The following MYO9A variants were observed in gnomAD, a reference collection of about 807,000 sequenced individuals.
The protein encoded by MYO9A is myosin IXA.
MYO9A carries 103 observed loss-of-function variants against 293.3 expected under a neutral mutation model. That is an observed-to-expected ratio of 0.35 (90% CI 0.30 to 0.41). The LOEUF (loss-of-function observed/expected upper bound fraction) is 0.41. Ranked by LOEUF, MYO9A falls within the 10% of genes least tolerant of loss-of-function variation. MYO9A has a pLI of 1.00. For synonymous variants in MYO9A, 1,001 were observed against 1,035.7 expected (o/e 0.97, Z 0.64); for missense variants, 2,685 against 3,033.0 (o/e 0.89, Z 2.69).
chr15:71,997,602 A>T (rs2076735104), intron 9 of MYO9A, among the ~76,000 whole-genome samples: 2 of 152,178 alleles, frequency 1.3e-5, no homozygotes, highest in South Asian at 4.1e-4. Flanking sequence ...CGTCTCAAAA[A>T]AAATAAATGA....
intron 32 of MYO9A, among the ~76,000 whole-genome samples, chr15:71,866,130 G>C (rs1481385455): frequency 2.6e-5 from 4 of 152,096 alleles, no homozygotes; most frequent in Admixed American, 2.0e-4. Flanking sequence ...GTTTGCTTTT[G>C]TGTCAACTCA....
intron 39 of MYO9A, among the ~76,000 whole-genome samples, chr15:71,838,690 C>T (rs2055033104): frequency 6.6e-6 from 1 of 152,130 alleles, no homozygotes; most frequent in Admixed American, 6.5e-5. Flanking sequence ...CTTTATAGCA[C>T]ATTAACAGGA....
At chr15:72,008,283 T>C (rs2077070895) in intron 7 of MYO9A, among the ~76,000 whole-genome samples, 1 of 152,210 alleles carries the variant, frequency 6.6e-6, no homozygotes, top group Admixed American at 6.5e-5. Flanking sequence ...GAATGCTTTT[T>C]TCCTACACTG....
At chr15:72,026,147 C>T (rs1191637501) in intron 4 of MYO9A, among the ~76,000 whole-genome samples, 9 of 151,708 alleles carry the variant, frequency 5.9e-5, no homozygotes. Flanking sequence ...ATGGCAGGCG[C>T]CTGTAGTCCC....
At chr15:71,848,649 A>G (rs2055495772) in intron 39 of MYO9A, among the ~76,000 whole-genome samples, 196 bp downstream of exon 39, 2 of 152,240 alleles carry the variant, frequency 1.3e-5, no homozygotes, top group East Asian at 3.8e-4. Flanking sequence ...ACACTTAATC[A>G]CATAGATTCT....
At chr15:71,874,297 A>G (rs898529330) in intron 32 of MYO9A, among the ~76,000 whole-genome samples, 4 of 152,144 alleles carry the variant, frequency 2.6e-5, no homozygotes, top group Non-Finnish European at 4.4e-5. Context: ...AGAATTTGCA[A>G]TTTTTGGCAG....
chr15:71,882,930 A>T (rs974459759), intron 28 of MYO9A, among the ~76,000 whole-genome samples: 2 of 152,054 alleles, frequency 1.3e-5, no homozygotes, highest in African/African-American at 4.8e-5. Context: ...TCAGCCTCCC[A>T]AGTAGCTGGG....
intron 33 of MYO9A, among the ~76,000 whole-genome samples, chr15:71,861,114 C>G (rs1010456522): frequency 6.6e-6 from 1 of 151,578 alleles, no homozygotes; most frequent in African/African-American, 2.4e-5. Context: ...ACATTACAAA[C>G]TACTTCCTAT....
intron 13 of MYO9A, among the ~76,000 whole-genome samples, chr15:71,965,847 A>G (rs1451959792): frequency 6.6e-5 from 10 of 152,016 alleles, no homozygotes; most frequent in African/African-American, 2.2e-4. Flanking sequence ...ATCTCTAGTA[A>G]TATTTCTGGT....
rs1434343323 is a variant in MYO9A at position 72,117,689 on chromosome 15, C to A, written c.-81G>T. On this transcript the variant is annotated 5_prime_UTR_variant, in exon 1 of 42. Transcript: ENST00000356056. ...CTTGGGCGGGTCTTACCTCGGGCTC[C>A]GCCGCGGTGGCCACCGCAGCCCCCT... 2.5e-6 allele frequency: 1 copy of A among 396,708 alleles called. No homozygotes were observed. The highest frequency in any genetic ancestry group is 4.4e-6 in the Non-Finnish European group (1 of 225,100). 24.6% of individuals were successfully genotyped at this position (396,708 alleles called of 1,614,324 possible).
rs545468306 is a variant in MYO9A, at chr15:72,050,342, C to T, written c.-71-3708G>A. ...GTACATTACCAGCCGGGTGCGGTGG[C>T]TCACACCTGTAATCCCAGCACTTTG... On this transcript the variant is annotated intron_variant, in intron 1 of 41. Coordinates refer to ENST00000356056, the MANE Select transcript of MYO9A (RefSeq NM_006901.4). Among the ~76,000 whole-genome samples, 5 of 152,170 alleles carry T rather than the reference C, an allele frequency of 3.3e-5. No homozygotes were observed. The South Asian group carries it at 1.0e-3, about 32-fold the overall frequency.
chr15:71,852,115 A>G lies in MYO9A; in HGVS notation c.6475+17T>C. 5 of 1,602,512 alleles carry G rather than the reference A, an allele frequency of 3.1e-6. No individual in the cohort carries two copies. The highest frequency in any genetic ancestry group is 3.4e-6 in the Non-Finnish European group (4 of 1,172,382). On this transcript the variant is annotated intron_variant, in intron 36 of 41. Coordinates refer to ENST00000356056, the MANE Select transcript of MYO9A (RefSeq NM_006901.4). ...CAACTATAGGCCTTCTCTCTAACCC[A>G]GGAAGCCTATGCTTACCCATAGCTC...
chr15:71,862,397 G>A (rs1433711397), intron 33 of MYO9A, 103 bp downstream of exon 33: 4 of 823,226 alleles, frequency 4.9e-6, no homozygotes, highest in Non-Finnish European at 8.1e-6. Context: ...TAAAAATTTA[G>A]GTAGTGTAAA....
In MYO9A at chr15:71,826,005, T is replaced by TTTG. The variant is rs1567170084; in HGVS notation, c.*574_*575insCAA. ...TCACGGTTTTTTTTTGTTTTTTTTTTTTTGTTTTTTTTTTTTGTTTTTGCT... is the reference window on the plus strand; with the variant it reads ...TCACGGTTTTTTTTTGTTTTTTTTTTTTGTTTGTTTTTTTTTTTTGTTTTTGCT... On this transcript the variant is annotated 3_prime_UTR_variant, in exon 42 of 42. Coordinates refer to ENST00000356056, the MANE Select transcript of MYO9A (RefSeq NM_006901.4). 4 of 137,694 alleles carry TTTG rather than the reference T, an allele frequency of 2.9e-5. No individual in the cohort carries two copies. Among genetic ancestry groups the TTTG allele is most frequent in the East Asian group, 2.4e-4 (1 of 4,208 alleles). 8.5% of individuals were successfully genotyped at this position (137,694 alleles called of 1,614,324 possible).
chr15:71,978,132 A>C (rs200285997), intron 12 of MYO9A, 39 bp downstream of exon 12: 1 of 1,605,146 alleles, frequency 6.2e-7, no homozygotes, highest in African/African-American at 1.3e-5. Context: ...ATAAAAAGCC[A>C]AAACAGCCAA....
intron 1 of MYO9A, among the ~76,000 whole-genome samples, chr15:72,081,274 G>A (rs2079536234): frequency 6.6e-6 from 1 of 152,122 alleles, no homozygotes; most frequent in Non-Finnish European, 1.5e-5. Context: ...GGTGCGAGGT[G>A]GCATCTCATT....
Position 71,898,960 on chromosome 15 carries a change from A to G in MYO9A, c.3543T>C (p.Tyr1181=), listed in dbSNP as rs1164776336. Residue 1181 remains tyrosine (Y), a synonymous_variant, in exon 25 of 42, where the codon TAT becomes TAC. Coordinates refer to ENST00000356056, the MANE Select transcript of MYO9A (RefSeq NM_006901.4). The part of the protein sequence containing the change: ...PEVGLVNIKG[Y]GSLEIQGSDP... ...CTGAACCCTGAATTTCCAGAGATCC[A>G]TATCCCTTAATATTCACCAATCCAA... The G allele has an allele frequency of 6.2e-7, 1 of 1,613,608 alleles. No individual in the cohort carries two copies. The highest frequency in any genetic ancestry group is 8.5e-7 in the Non-Finnish European group (1 of 1,179,658).
chr15:72,103,212 A>G (rs2080423496), intron 1 of MYO9A, among the ~76,000 whole-genome samples: 1 of 151,134 alleles, frequency 6.6e-6, no homozygotes, highest in South Asian at 2.1e-4. Flanking sequence ...AAAAAAAAGC[A>G]GCAGCAGAAG....
intron 1 of MYO9A, among the ~76,000 whole-genome samples, chr15:72,077,569 A>G (rs2079392473): frequency 6.6e-6 from 1 of 151,294 alleles, no homozygotes; most frequent in Non-Finnish European, 1.5e-5. Flanking sequence ...GTGCATGCCT[A>G]TAATTCTAGC....
Sources: gnomAD v4.1 joint callset for allele counts (sites outside exome capture counted in the v4.1 genomes callset) on GRCh38, gnomAD v4.1.1 for gene constraint, MANE v1.5 for transcripts, NCBI Gene and HGNC (gene_info 2026-07-23, HGNC 2026-07-21) for gene names.